Variants in ORC4 observed in about 807,000 individuals in gnomAD.
ORC4 encodes the protein origin recognition complex subunit 4, also known as origin recognition complex, subunit 4 homolog.
ORC4 carries 55 observed loss-of-function variants against 63.9 expected under a neutral mutation model. The ratio of observed to expected loss-of-function variants is 0.86; its 90% confidence interval spans 0.69 to 1.08. The LOEUF (loss-of-function observed/expected upper bound fraction) is 1.08. ORC4 is among the 50% of genes least tolerant of loss of function. The pLI is 0.00. For synonymous variants in ORC4, 150 were observed against 168.5 expected, an observed-to-expected ratio of 0.89 and a Z score of 0.85; for missense variants, 511 against 504.4, an observed-to-expected ratio of 1.01 and a Z score of -0.13.
chr2:147,965,194 C>T (rs566618722), intron 4 of ORC4, among the ~76,000 whole-genome samples: 2 of 151,894 alleles, frequency 1.3e-5, no homozygotes, highest in African/African-American at 4.8e-5. Context: ...AGAGAGGCAC[C>T]CAACTGGAAA....
chr2:148,006,712 T>C (rs528599516), intron 1 of ORC4, among the ~76,000 whole-genome samples: 4 of 152,340 alleles, frequency 2.6e-5, no homozygotes, highest in Non-Finnish European at 5.9e-5. Flanking sequence ...GGACTCAGTC[T>C]TGGCAGAATT....
Position 147,973,541 on chromosome 2 carries a change from G to T in ORC4, c.58-17C>A, listed in dbSNP as rs767337836. ...TCTTTGTACCTGATGAAAATAAAGT[G>T]AATAAATATAAATAAAAATATTACA... On this transcript the variant is annotated splice_polypyrimidine_tract_variant and intron_variant, in intron 2 of 13. Coordinates refer to ENST00000392857, the MANE Select transcript of ORC4 (RefSeq NM_181741.4). 1 of 1,388,466 alleles carries T rather than the reference G, an allele frequency of 7.2e-7. No homozygotes were observed. The highest frequency in any genetic ancestry group is 1.0e-6 in the Non-Finnish European group (1 of 980,598). The allele number at this position is 1,388,466 out of a possible 1,614,324, so 86.0% of individuals were successfully genotyped here. A position where few individuals can be genotyped will look rare whatever the true frequency, so the allele number is the denominator to read the frequency against.
chr2:147,974,821 A>C (rs1690443478), intron 2 of ORC4, among the ~76,000 whole-genome samples: 1 of 151,382 alleles, frequency 6.6e-6, no homozygotes, highest in Non-Finnish European at 1.5e-5. Context: ...AAAAAAAAAA[A>C]AAAAACCCAG....
intron 1 of ORC4, chr2:147,982,045 G>C (rs935909152): frequency 1.3e-5 from 2 of 152,122 alleles, no homozygotes; most frequent in Non-Finnish European, 2.9e-5. Context: ...AGGTAGCTAA[G>C]GCCTCAGCCA....
chr2:147,978,572 T>C (rs2105363670), intron 1 of ORC4, among the ~76,000 whole-genome samples: 1 of 152,332 alleles, frequency 6.6e-6, no homozygotes, highest in East Asian at 1.9e-4. Flanking sequence ...AGTTAAAGTG[T>C]CTTATCAGGG....
chr2:147,936,692 G>A (rs1688066957), intron 13 of ORC4: 1 of 152,138 alleles, frequency 6.6e-6, no homozygotes, highest in African/African-American at 2.4e-5. Context: ...CTTCATAATT[G>A]AAAATTCAGA....
intron 4 of ORC4, among the ~76,000 whole-genome samples, chr2:147,965,457 T>A (rs1012676713): frequency 2.2e-4 from 34 of 151,252 alleles, no homozygotes; most frequent in African/African-American, 8.3e-4. Context: ...AAAATAAAAG[T>A]GATAAGAAAG....
chr2:147,975,863 G>A (rs780482475), intron 2 of ORC4, 39 bp downstream of exon 2: 8 of 1,158,516 alleles, frequency 6.9e-6, no homozygotes, highest in Non-Finnish European at 1.0e-5. Context: ...CAGCTTTACA[G>A]GGTAAAATAT....
At chr2:147,986,776 G>GACAC (rs1048997022) in intron 1 of ORC4, among the ~76,000 whole-genome samples, 9 of 101,308 alleles carry the variant, frequency 8.9e-5, no homozygotes, top group Admixed American at 1.0e-4. Context: ...ATTTTATACA[G>GACAC]ACACACACAC....
chr2:147,981,972 A>G (rs1339982457), intron 1 of ORC4: 1 of 152,238 alleles, frequency 6.6e-6, no homozygotes, highest in East Asian at 1.9e-4. Context: ...ACAGGTCCTT[A>G]GCTGAGCCAG....
chr2:147,982,333 AC>A (rs1246688820), intron 1 of ORC4, among the ~76,000 whole-genome samples: 1 of 152,242 alleles, frequency 6.6e-6, no homozygotes, highest in Non-Finnish European at 1.5e-5. Context: ...ATCTAAAATC[AC>A]AAAGAACTAT....
chr2:147,988,801 A>AG (rs2105392692), intron 1 of ORC4, among the ~76,000 whole-genome samples: 2 of 152,158 alleles, frequency 1.3e-5, no homozygotes, highest in South Asian at 4.2e-4. Context: ...GCAAAAAAAA[A>AG]AAAAAGATTT....
At chr2:148,013,291 G>A (rs1253612024) in intron 1 of ORC4, among the ~76,000 whole-genome samples, 1 of 152,048 alleles carries the variant, frequency 6.6e-6, no homozygotes, top group African/African-American at 2.4e-5. Context: ...ATATGGATGT[G>A]ACTGACATTA....
At chr2:147,997,008 T>A (rs1692013808) in intron 1 of ORC4, among the ~76,000 whole-genome samples, 2 of 152,190 alleles carry the variant, frequency 1.3e-5, no homozygotes, top group South Asian at 4.1e-4. Flanking sequence ...AGCAAGAGTG[T>A]CCTTCAATAT....
intron 7 of ORC4, among the ~76,000 whole-genome samples, chr2:147,953,710 G>A (rs1689097973): frequency 6.6e-6 from 1 of 152,022 alleles, no homozygotes; most frequent in African/African-American, 2.4e-5. Flanking sequence ...ATCACCCTCT[G>A]GTTACATTTT....
rs191110769 is a variant in ORC4, at chr2:148,003,400, A to G, written c.-18+17233T>C. Among the ~76,000 whole-genome samples the G allele has an allele frequency of 2.6e-3, 395 of 152,318 alleles. 1 individual carries two copies. Among genetic ancestry groups the G allele is most frequent in the African/African-American group, 8.9e-3 (370 of 41,564 alleles). On this transcript the variant is annotated intron_variant, in intron 1 of 13. Transcript: ENST00000392857. ...CAAACTGAATCCAGCAGCACATCAA[A>G]AAGTTTATCCACCATGATCAAGTTG...
At chr2:148,012,015 A>G (rs1479578428) in intron 1 of ORC4, among the ~76,000 whole-genome samples, 5 of 152,200 alleles carry the variant, frequency 3.3e-5, no homozygotes, top group Non-Finnish European at 5.9e-5. Context: ...TAAAATGACA[A>G]TACTTCCCAC....
In ORC4 at chr2:147,978,514, CA is replaced by C. The variant is rs779784077; in HGVS notation, c.-17-2540del. 1.4e-4 allele frequency among the ~76,000 whole-genome samples: 22 copies of C among 152,242 alleles called. No homozygotes were observed. The Middle Eastern group carries it at 0.031, about 212-fold the overall frequency. On this transcript the variant is annotated intron_variant, in intron 1 of 13. Transcript: ENST00000392857. ...AGAAAGCTTGACCCAGGGATTCAGA[CA>C]GTTTTGTCTTCTTGTGGGTCCTTGA... is the stretch of plus-strand genomic sequence containing the variant.
upstream of ORC4, chr2:148,021,064 C>T (rs564880702): frequency 6.5e-6 from 1 of 154,322 alleles, no homozygotes; most frequent in East Asian, 1.9e-4. Context: ...CCTCCCGTCT[C>T]TTCTACCCGA....
Sources: allele counts gnomAD v4.1 joint callset (sites outside exome capture counted in the v4.1 genomes callset), GRCh38; gene constraint gnomAD v4.1.1; transcripts MANE v1.5; gene names NCBI Gene and HGNC (gene_info 2026-07-23, HGNC 2026-07-21).